CADM1: variants seen among roughly 807,000 people sequenced by gnomAD.
CADM1 encodes cell adhesion molecule 1.
A neutral mutation model predicts 53.1 loss-of-function variants in CADM1; 15 were observed. The observed-to-expected ratio is 0.28, with a 90% CI of 0.19 to 0.44. The LOEUF (loss-of-function observed/expected upper bound fraction) is 0.44. Ranked by LOEUF, CADM1 falls within the 20% of genes least tolerant of loss-of-function variation. CADM1 has a pLI of 1.00. For synonymous variants in CADM1, 281 were observed against 243.0 expected, an observed-to-expected ratio of 1.16 and a Z score of -1.45; for missense variants, 434 against 611.3, an observed-to-expected ratio of 0.71 and a Z score of 3.06.
intron 1 of CADM1, among the ~76,000 whole-genome samples, chr11:115,244,370 A>G (rs1591637956): frequency 6.6e-6 from 1 of 152,240 alleles, no homozygotes; most frequent in Admixed American, 6.5e-5. Context: ...GACATTACAT[A>G]AAACACTTGC....
intron 1 of CADM1, among the ~76,000 whole-genome samples, chr11:115,468,770 T>G (rs931182110): frequency 1.3e-5 from 2 of 152,154 alleles, no homozygotes; most frequent in African/African-American, 2.4e-5. Context: ...TCTGTTCTCA[T>G]GCTAATAATA....
intron 1 of CADM1, among the ~76,000 whole-genome samples, chr11:115,375,433 G>T (rs987152630): frequency 2.6e-5 from 4 of 152,028 alleles, no homozygotes; most frequent in Non-Finnish European, 5.9e-5. Flanking sequence ...GGTTACTCGG[G>T]TGTTCATTTT....
intron 1 of CADM1, among the ~76,000 whole-genome samples, chr11:115,253,769 T>C (rs911844484): frequency 2.0e-5 from 3 of 152,202 alleles, no homozygotes; most frequent in African/African-American, 4.8e-5. Flanking sequence ...GCTTTCTCCA[T>C]GAAGAGAGCT....
intron 10 of CADM1, among the ~76,000 whole-genome samples, chr11:115,184,718 C>T (rs960517784): frequency 1.1e-4 from 17 of 152,198 alleles, no homozygotes; most frequent in African/African-American, 3.6e-4. Context: ...TCTATACTAA[C>T]GTTTCAAAGG....
At chr11:115,283,748 G>T (rs893717523) in intron 1 of CADM1, among the ~76,000 whole-genome samples, 1 of 152,174 alleles carries the variant, frequency 6.6e-6, no homozygotes, top group Admixed American at 6.5e-5. Flanking sequence ...AAGTGGGATC[G>T]GTGCAGAAGA....
intron 1 of CADM1, among the ~76,000 whole-genome samples, chr11:115,350,915 T>C (rs1316809353): frequency 1.4e-5 from 2 of 140,712 alleles, no homozygotes; most frequent in East Asian, 3.9e-4. Flanking sequence ...CGCATTCTTT[T>C]ACGAGAAGTT....
At position 115,419,843 on chromosome 11, in the gene CADM1, T is replaced by A. The variant is rs1224810672; in HGVS notation, c.124+84428A>T. On this transcript the variant is annotated intron_variant, in intron 1 of 11. Coordinates refer to ENST00000331581, the MANE Select transcript of CADM1 (RefSeq NM_001301043.2). ...TCAGTGGCCTTTCTACAGAAATTAATCAACGGGACACATTTTTGTCCTTAG... is the reference window on the plus strand; with the variant it reads ...TCAGTGGCCTTTCTACAGAAATTAAACAACGGGACACATTTTTGTCCTTAG... Among the ~76,000 whole-genome samples, 4 of 152,144 alleles carry A rather than the reference T, an allele frequency of 2.6e-5. No homozygotes were observed. The East Asian group carries it at 7.7e-4, about 29-fold the overall frequency.
At chr11:115,368,250 G>A (rs1055070893) in intron 1 of CADM1, among the ~76,000 whole-genome samples, 1 of 150,030 alleles carries the variant, frequency 6.7e-6, no homozygotes, top group South Asian at 2.1e-4. Context: ...TAGCAGGACA[G>A]TTTGTCATAG....
intron 1 of CADM1, among the ~76,000 whole-genome samples, chr11:115,455,768 A>G (rs908695400): frequency 2.6e-5 from 4 of 152,224 alleles, no homozygotes; most frequent in Non-Finnish European, 5.9e-5. Context: ...TGTGGCCAAC[A>G]TGGTGAAGTA....
At chr11:115,389,623 A>T (rs1403804633) in intron 1 of CADM1, among the ~76,000 whole-genome samples, 1 of 152,190 alleles carries the variant, frequency 6.6e-6, no homozygotes, top group Non-Finnish European at 1.5e-5. Flanking sequence ...AAACAACAGG[A>T]CTAAAGATGA....
intron 1 of CADM1, among the ~76,000 whole-genome samples, chr11:115,255,282 T>C (rs1942748192): frequency 6.6e-6 from 1 of 152,192 alleles, no homozygotes; most frequent in African/African-American, 2.4e-5. Context: ...TTCTGCAATA[T>C]GACTCAAGAG....
intron 10 of CADM1, among the ~76,000 whole-genome samples, chr11:115,181,870 C>T (rs1295513568): frequency 6.6e-6 from 1 of 152,194 alleles, no homozygotes; most frequent in Non-Finnish European, 1.5e-5. Context: ...CATGAAGCAG[C>T]CGTGCAAGAT....
intron 1 of CADM1, among the ~76,000 whole-genome samples, chr11:115,367,009 G>C (rs1453444014): frequency 1.3e-5 from 2 of 152,156 alleles, no homozygotes; most frequent in Non-Finnish European, 2.9e-5. Context: ...TTTGGGATAG[G>C]CCATGCAATG....
At chr11:115,331,225 C>CT (rs1945120991) in intron 1 of CADM1, among the ~76,000 whole-genome samples, 1 of 152,152 alleles carries the variant, frequency 6.6e-6, no homozygotes, top group Non-Finnish European at 1.5e-5. Context: ...CACTTCCACT[C>CT]ACTCTGCTAT....
Position 115,227,774 on chromosome 11 carries a change from G to A in CADM1, c.721+1339C>T, listed in dbSNP as rs61907160. ...GCCAAGCTCACGGAGTTAAGAAAAG[G>A]TTGGAATGGGATGGTTTCTTAGAAG... On this transcript the variant is annotated intron_variant, in intron 5 of 11. Coordinates refer to ENST00000331581, the MANE Select transcript of CADM1 (RefSeq NM_001301043.2). Among the ~76,000 whole-genome samples, 1,154 of 152,308 alleles carry A rather than the reference G, an allele frequency of 7.6e-3. 7 individuals carry two copies. Among genetic ancestry groups the A allele is most frequent in the Non-Finnish European group, 0.013 (886 of 68,014 alleles).
At chr11:115,340,283 C>G (rs1479169587) in intron 1 of CADM1, 1 of 151,852 alleles carries the variant, frequency 6.6e-6, no homozygotes, top group Non-Finnish European at 1.5e-5. Context: ...TGTATTTTTG[C>G]TTTTATGGCA....
chr11:115,451,258 A>G (rs1948565379), intron 1 of CADM1, among the ~76,000 whole-genome samples: 1 of 152,194 alleles, frequency 6.6e-6, no homozygotes, highest in South Asian at 2.1e-4. Flanking sequence ...CAAGACCTGA[A>G]AGAAGCCTAA....
chr11:115,340,489 A>G (rs1226807149), intron 1 of CADM1, among the ~76,000 whole-genome samples: 2 of 144,176 alleles, frequency 1.4e-5, no homozygotes, highest in Admixed American at 7.0e-5. Flanking sequence ...GCTGAAATGT[A>G]TTAAGTGTTT....
At chr11:115,252,269 A>G (rs1015415860) in intron 1 of CADM1, among the ~76,000 whole-genome samples, 2 of 152,244 alleles carry the variant, frequency 1.3e-5, no homozygotes, top group Admixed American at 6.5e-5. Context: ...AGTAATGCCT[A>G]TGAAAGTATT....
Sources: gnomAD v4.1 joint callset for allele counts (sites outside exome capture counted in the v4.1 genomes callset) on GRCh38, gnomAD v4.1.1 for gene constraint, MANE v1.5 for transcripts, NCBI Gene and HGNC (gene_info 2026-07-23, HGNC 2026-07-21) for gene names.